The following TGFBR3L variants were observed in gnomAD, a reference collection of about 807,000 sequenced individuals.
TGFBR3L encodes the protein transforming growth factor-beta receptor type 3-like protein.
TGFBR3L carries 21 observed loss-of-function variants against 20.4 expected under a neutral mutation model. That is an observed-to-expected ratio of 1.03 (90% CI 0.73 to 1.48). The LOEUF (loss-of-function observed/expected upper bound fraction) is 1.48. Among genes scored for constraint, TGFBR3L ranks in the 40% most tolerant of loss-of-function variants. TGFBR3L has a pLI of 0.00. For synonymous variants in TGFBR3L, 245 were observed against 244.2 expected, an observed-to-expected ratio of 1.00 and a Z score of -0.03; for missense variants, 479 against 498.0, an observed-to-expected ratio of 0.96 and a Z score of 0.36.
chr19:7,918,331 G>A (rs1316270957), intron 5 of TGFBR3L, among the ~76,000 whole-genome samples: 1 of 152,226 alleles, frequency 6.6e-6, no homozygotes, highest in Admixed American at 6.5e-5. Flanking sequence ...CTGCCTCCCG[G>A]GTTCAAGCGA....
In TGFBR3L at chr19:7,916,562, C is replaced by A. The variant is rs1983309244; in HGVS notation, c.276+19C>A. 23 of 1,455,710 alleles carry A rather than the reference C, an allele frequency of 1.6e-5. No individual in the cohort carries two copies. Among genetic ancestry groups the A allele is most frequent in the Non-Finnish European group, 2.0e-5 (22 of 1,109,184 alleles). The allele number at this position is 1,455,710 out of a possible 1,614,324, so 90.2% of individuals were successfully genotyped here. A position where few individuals can be genotyped will look rare whatever the true frequency, so the allele number is the denominator to read the frequency against. On this transcript the variant is annotated intron_variant, in intron 1 of 5. Transcript: ENST00000565886. The stretch of plus-strand genomic sequence containing the variant: ...CGTGCAGGTGGGGACCCCGGGGACA[C>A]CAGGGGCGGATGGGGGCCGGTGGGG...
At position 7,916,961 on chromosome 19, in the gene TGFBR3L, T is replaced by C; in HGVS notation, c.597+19T>C. On this transcript the variant is annotated intron_variant, in intron 2 of 5. Transcript: ENST00000565886. ...ATCGCGGGTGCGCGGGCGCAGAGCC[T>C]GGAATCCGGGCGCTGGGGCCCTTCG... The C allele has an allele frequency of 7.8e-7, 1 of 1,276,662 alleles. No homozygotes were observed. Among genetic ancestry groups the C allele is most frequent in the East Asian group, 3.2e-5 (1 of 31,032 alleles). 79.1% of individuals were successfully genotyped at this position (1,276,662 alleles called of 1,614,324 possible).
rs1202577924 is a variant in TGFBR3L at position 7,915,522 on chromosome 19, A to G, written c.-746A>G. Among the ~76,000 whole-genome samples the G allele has an allele frequency of 1.3e-5, 2 of 152,120 alleles. No homozygotes were observed. The highest frequency in any genetic ancestry group is 2.9e-5 in the Non-Finnish European group (2 of 68,012). The stretch of plus-strand genomic sequence containing the variant: ...GCTCATGCCTGTAATCCCAGCACTT[A>G]AGAGAGGCTGAGGTGAGAGGATCGC... On this transcript the variant is annotated 5_prime_UTR_variant, in exon 1 of 6. Coordinates refer to ENST00000565886, the MANE Select transcript of TGFBR3L (RefSeq NM_001195259.2).
In TGFBR3L at chr19:7,916,814, CG is replaced by C; in HGVS notation, c.470del (p.Arg157ProfsTer17). On this transcript the variant is annotated frameshift_variant, in exon 2 of 6. Coordinates refer to ENST00000565886, the MANE Select transcript of TGFBR3L (RefSeq NM_001195259.2). LOFTEE classifies it high-confidence loss of function. ...CGCCCGCCCCGCGCGTTTCAGCTTC[CG>C]CCTGCGCCCGGTCTTCAACGCCTCG... 6.7e-7 allele frequency: 1 copy of C among 1,482,018 alleles called. No individual in the cohort carries two copies. Among genetic ancestry groups the C allele is most frequent in the Admixed American group, 2.2e-5 (1 of 45,426 alleles). 91.8% of individuals were successfully genotyped at this position (1,482,018 alleles called of 1,614,324 possible). A position where few individuals can be genotyped will look rare whatever the true frequency, so the allele number is the denominator to read the frequency against.
chr19:7,917,034 G>A (rs894731358), intron 2 of TGFBR3L, 92 bp downstream of exon 3: 8 of 1,251,616 alleles, frequency 6.4e-6, no homozygotes, highest in Middle Eastern at 3.1e-4. Flanking sequence ...ATACTCTCGG[G>A]GTCTGAGGAT....
rs1290865701 is a variant in TGFBR3L, at chr19:7,915,981, C to T, written c.-287C>T. ...GGGTATCCTCTTCACTTCCCTTCCT[C>T]GTTGGTGACAGCACCTATCTCCCCT... is the stretch of plus-strand genomic sequence containing the variant. On this transcript the variant is annotated 5_prime_UTR_variant, in exon 1 of 6. Transcript: ENST00000565886. Among the ~76,000 whole-genome samples the T allele has an allele frequency of 6.6e-6, 1 of 152,158 alleles. No individual in the cohort carries two copies. Among genetic ancestry groups the T allele is most frequent in the African/African-American group, 2.4e-5 (1 of 41,436 alleles).
rs771546392 is a variant in TGFBR3L at position 7,916,765 on chromosome 19, A to ACCGCCG, written c.427_432dup (p.Pro143_Pro144dup). ...CCGACACCTCTGTCGCCTTCCCGCC[A>ACCGCCG]CCGCCGCCGCCGAGCCCGGGTGCCG... is the stretch of plus-strand genomic sequence containing the variant. On this transcript the variant is annotated inframe_insertion, in exon 2 of 6. Transcript: ENST00000565886. The ACCGCCG allele has an allele frequency of 1.8e-5, 26 of 1,484,086 alleles. No individual in the cohort carries two copies. In the Admixed American group the frequency reaches 5.0e-4, roughly 29 times the overall value. The allele number at this position is 1,484,086 out of a possible 1,614,324, so 91.9% of individuals were successfully genotyped here.
chr19:7,918,247 GTTT>G (rs1983411961), intron 5 of TGFBR3L, 118 bp downstream of exon 6: 1 of 1,026,162 alleles, frequency 9.7e-7, no homozygotes, highest in Non-Finnish European at 1.4e-6. Flanking sequence ...TTGTTTGTTT[GTTT>G]TTTGAGACGG....
At chr19:7,918,155 G>C (rs1983403934) in intron 5 of TGFBR3L, 26 bp downstream of exon 6, 1 of 1,533,662 alleles carries the variant, frequency 6.5e-7, no homozygotes, top group Non-Finnish European at 8.7e-7. Flanking sequence ...GAGGGAGCTG[G>C]GTGAGGTAGG....
Position 7,916,732 on chromosome 19 carries a change from C to T in TGFBR3L, c.387C>T (p.Gly129=). ...CCGCCCTGGCTCTGCTGCGTGAGGG[C>T]TGCCCCGCCGACACCTCTGTCGCCT... is the stretch of plus-strand genomic sequence containing the variant. The change falls in exon 2 of 6, where the codon GGC becomes GGT. Residue 129 remains glycine (G), a synonymous_variant. Coordinates refer to ENST00000565886, the MANE Select transcript of TGFBR3L (RefSeq NM_001195259.2). 1 of 1,488,276 alleles carries T rather than the reference C, an allele frequency of 6.7e-7. No individual in the cohort carries two copies. Among genetic ancestry groups the T allele is most frequent in the Non-Finnish European group, 8.9e-7 (1 of 1,125,776 alleles). 92.2% of individuals were successfully genotyped at this position (1,488,276 alleles called of 1,614,324 possible).
chr19:7,917,882 C>G, intron 4 of TGFBR3L, 23 bp downstream of exon 5: 1 of 1,369,268 alleles, frequency 7.3e-7, no homozygotes, highest in Non-Finnish European at 9.4e-7. Context: ...TCCGCCAAGC[C>G]GGGCCCCCAG....
At position 7,917,497 on chromosome 19, in the gene TGFBR3L, G is replaced by A; in HGVS notation, c.622G>A (p.Ala208Thr). ...GTGTCTGCCTCAGGACGAGGCGTGC[G>A]CCGACACTGGCAGTGGCAGCGCCGA... The change falls in exon 3 of 6, where the codon GCC (alanine) becomes ACC (threonine). Residue 208 changes from alanine (A) to threonine (T), a missense_variant. By Grantham distance (58) the Ala-to-Thr change is moderately conservative. Coordinates refer to ENST00000565886, the MANE Select transcript of TGFBR3L (RefSeq NM_001195259.2). The A allele has an allele frequency of 6.6e-7, 1 of 1,525,946 alleles. No individual in the cohort carries two copies. The highest frequency in any genetic ancestry group is 2.0e-5 in the Admixed American group (1 of 50,072). The allele number at this position is 1,525,946 out of a possible 1,614,324, so 94.5% of individuals were successfully genotyped here.
chr19:7,917,387 A>G, intron 2 of TGFBR3L, 86 bp from the exon 4 acceptor site: 2 of 1,446,346 alleles, frequency 1.4e-6, no homozygotes, highest in Non-Finnish European at 1.8e-6. Context: ...AGCTGGACTC[A>G]GGTCTCTCTT....
In TGFBR3L at chr19:7,916,562, C is replaced by G; in HGVS notation, c.276+19C>G. On this transcript the variant is annotated intron_variant, in intron 1 of 5. Coordinates refer to ENST00000565886, the MANE Select transcript of TGFBR3L (RefSeq NM_001195259.2). The stretch of plus-strand genomic sequence containing the variant: ...CGTGCAGGTGGGGACCCCGGGGACA[C>G]CAGGGGCGGATGGGGGCCGGTGGGG... 1 of 1,455,826 alleles carries G rather than the reference C, an allele frequency of 6.9e-7. No homozygotes were observed. The allele number at this position is 1,455,826 out of a possible 1,614,324, so 90.2% of individuals were successfully genotyped here.
At chr19:7,918,780 G>C in intron 5 of TGFBR3L, 137 bp from the exon 7 acceptor site, 1 of 397,318 alleles carries the variant, frequency 2.5e-6, no homozygotes, top group Admixed American at 4.4e-5. Flanking sequence ...CACTAGGCGA[G>C]GAGAACTCAG....
rs1466149129 is a variant in TGFBR3L at position 7,915,516 on chromosome 19, G to A, written c.-752G>A. ...AAGGGGGCTCATGCCTGTAATCCCAGCACTTAAGAGAGGCTGAGGTGAGAG... is the reference window on the plus strand; with the variant it reads ...AAGGGGGCTCATGCCTGTAATCCCAACACTTAAGAGAGGCTGAGGTGAGAG... On this transcript the variant is annotated 5_prime_UTR_variant, in exon 1 of 6. Coordinates refer to ENST00000565886, the MANE Select transcript of TGFBR3L (RefSeq NM_001195259.2). Among the ~76,000 whole-genome samples the A allele has an allele frequency of 6.6e-6, 1 of 152,206 alleles. No individual in the cohort carries two copies. The highest frequency in any genetic ancestry group is 1.9e-4 in the East Asian group (1 of 5,184).
intron 5 of TGFBR3L, 40 bp downstream of exon 6, chr19:7,918,169 T>A (rs1430644175): frequency 2.0e-6 from 3 of 1,524,260 alleles, no homozygotes; most frequent in Admixed American, 2.0e-5. Context: ...AGGTAGGAGA[T>A]CTGACAGTGA....
chr19:7,917,541 C>T lies in TGFBR3L; in HGVS notation c.666C>T (p.Gly222=). 3 of 1,521,692 alleles carry T rather than the reference C, an allele frequency of 2.0e-6. No individual in the cohort carries two copies. The highest frequency in any genetic ancestry group is 2.6e-5 in the East Asian group (1 of 38,596). 94.3% of individuals were successfully genotyped at this position (1,521,692 alleles called of 1,614,324 possible). The change falls in exon 3 of 6, where the codon GGC becomes GGT. Residue 222 remains glycine (G), a synonymous_variant. Transcript: ENST00000565886. ...GCGCCGAGGGCCTGGCTGCTGACGG[C>T]CCCCACCTGCACACGCTGACGCAGC...
Position 7,917,708 on chromosome 19 carries a change from C to G in TGFBR3L, c.732C>G (p.Pro244=). ...GCGTGGCACTTCCCACAGGGCCGCC[C>G]AAGAGTGTCCCCGGCCGTGCAGTGC... is the stretch of plus-strand genomic sequence containing the variant. The change falls in exon 4 of 6, where the codon CCC becomes CCG. Residue 244 remains proline, a synonymous_variant. Coordinates refer to ENST00000565886, the MANE Select transcript of TGFBR3L (RefSeq NM_001195259.2). 7.0e-7 allele frequency: 1 copy of G among 1,425,422 alleles called. No individual in the cohort carries two copies. The highest frequency in any genetic ancestry group is 9.1e-7 in the Non-Finnish European group (1 of 1,097,144). The allele number at this position is 1,425,422 out of a possible 1,614,324, so 88.3% of individuals were successfully genotyped here. A position where few individuals can be genotyped will look rare whatever the true frequency, so the allele number is the denominator to read the frequency against.
Sources: gnomAD v4.1 joint callset for allele counts (sites outside exome capture counted in the v4.1 genomes callset) on GRCh38, gnomAD v4.1.1 for gene constraint, MANE v1.5 for transcripts, NCBI Gene and HGNC (gene_info 2026-07-23, HGNC 2026-07-21) for gene names.